The following TCP11L2 variants were observed in gnomAD, a reference collection of about 807,000 sequenced individuals.
TCP11L2 encodes the protein t-complex 11 like 2.
A neutral mutation model predicts 50.7 loss-of-function variants in TCP11L2; 39 were observed. The ratio of observed to expected loss-of-function variants is 0.77; its 90% CI spans 0.60 to 1.01. The LOEUF is 1.01. Ranked by LOEUF, TCP11L2 falls within the 50% of genes least tolerant of loss-of-function variation. The probability of loss-of-function intolerance (pLI) is 0.00; values close to 1 mark genes in which losing one functional copy is unlikely to be tolerated. For synonymous variants in TCP11L2, 192 were observed against 219.3 expected (o/e 0.88, Z 1.10); for missense variants, 612 against 614.7 (o/e 1.00, Z 0.05).
At chr12:106,328,331 T>G (rs900892040) in intron 6 of TCP11L2, among the ~76,000 whole-genome samples, 7 of 152,058 alleles carry the variant, frequency 4.6e-5, no homozygotes, top group South Asian at 2.1e-4. Flanking sequence ...AGATCATGAG[T>G]TCAGGAGATC....
At chr12:106,333,215 G>T (rs1013745149) in intron 6 of TCP11L2, among the ~76,000 whole-genome samples, 10 of 152,126 alleles carry the variant, frequency 6.6e-5, no homozygotes, top group African/African-American at 2.4e-4. Context: ...TGCTGTCCTT[G>T]GGGGCAGCTG....
rs528830493 is a variant in TCP11L2, at chr12:106,308,425, C to G, written c.-35-2616C>G. On this transcript the variant is annotated intron_variant, in intron 1 of 9. Transcript: ENST00000299045. Reference sequence around the variant, plus strand: ...TGCCTTGTTAAACACAGTTAAGAAACCTACCAAGTGTGCTATCCAGCTAAA... The same window carrying G: ...TGCCTTGTTAAACACAGTTAAGAAAGCTACCAAGTGTGCTATCCAGCTAAA... 4.9e-4 allele frequency among the ~76,000 whole-genome samples: 75 copies of G among 152,290 alleles called. 3 individuals carry two copies. In the South Asian group the frequency reaches 0.015, roughly 31 times the overall value.
upstream of TCP11L2, among the ~76,000 whole-genome samples, chr12:106,302,324 C>T (rs1363550725): frequency 8.8e-6 from 1 of 113,168 alleles, no homozygotes; most frequent in South Asian, 3.3e-4. Context: ...CCCGCTCCCC[C>T]CGCTCAGCCC....
At position 106,318,307 on chromosome 12, in the gene TCP11L2, T is replaced by C. The variant is rs887347828; in HGVS notation, c.294-37T>C. ...TTCTTTTATAATCAGGAAAAAGTTA[T>C]GCTTATTTTAAAAAACAATTCATTT... On this transcript the variant is annotated intron_variant, in intron 3 of 9. Transcript: ENST00000299045. 8.7e-6 allele frequency: 14 copies of C among 1,602,354 alleles called. No individual in the cohort carries two copies. The East Asian group carries it at 2.5e-4, about 28-fold the overall frequency.
chr12:106,317,258 G>A (rs918313893), intron 3 of TCP11L2, among the ~76,000 whole-genome samples: 16 of 152,242 alleles, frequency 1.1e-4, no homozygotes, highest in African/African-American at 3.9e-4. Flanking sequence ...GCTCACACCT[G>A]TAATCCCAGC....
Position 106,330,250 on chromosome 12 carries a change from A to C in TCP11L2, c.773-5389A>C, listed in dbSNP as rs369302829. 3.9e-4 allele frequency: 388 copies of C among 985,272 alleles called. 7 individuals carry two copies. The East Asian group carries it at 0.017, about 43-fold the overall frequency. 61.0% of individuals were successfully genotyped at this position (985,272 alleles called of 1,614,324 possible). A position where few individuals can be genotyped will look rare whatever the true frequency, so the allele number is the denominator to read the frequency against. On this transcript the variant is annotated intron_variant, in intron 6 of 9. Transcript: ENST00000299045. Reference sequence around the variant, plus strand: ...TGGCATGTCAAATTTCATTTAGTTCATGATGTAAGAGACATTTTATTCAAA... The same window carrying C: ...TGGCATGTCAAATTTCATTTAGTTCCTGATGTAAGAGACATTTTATTCAAA...
intron 1 of TCP11L2, among the ~76,000 whole-genome samples, chr12:106,305,289 G>A (rs1238009207): frequency 1.3e-5 from 2 of 151,810 alleles, no homozygotes; most frequent in Non-Finnish European, 1.5e-5. Context: ...AACAGTTATT[G>A]AGTGCTTATT....
intron 6 of TCP11L2, among the ~76,000 whole-genome samples, chr12:106,331,058 G>A (rs1592966760): frequency 6.6e-6 from 1 of 152,272 alleles, no homozygotes; most frequent in East Asian, 1.9e-4. Context: ...ACTGGACATT[G>A]TCTTTAAGGT....
chr12:106,305,874 T>C (rs146880249), intron 1 of TCP11L2, among the ~76,000 whole-genome samples: 18 of 152,180 alleles, frequency 1.2e-4, no homozygotes, highest in African/African-American at 4.1e-4. Context: ...GCAAAGAAGA[T>C]CATGAAGGGT....
In TCP11L2 at chr12:106,340,995, A is replaced by G; in HGVS notation, c.1312A>G (p.Ile438Val). Residue 438 changes from isoleucine to valine, a missense_variant, in exon 9 of 10, where the codon ATT becomes GTT. Physicochemically the swap from Ile to Val is conservative, Grantham distance 29. Transcript: ENST00000299045. ...GGAGGACAATCCTATCTGGTCCTTGATTGGTGAGTCCTTTTATTGATTTCT... is the reference window on the plus strand; with the variant it reads ...GGAGGACAATCCTATCTGGTCCTTGGTTGGTGAGTCCTTTTATTGATTTCT... ...EEEDNPIWSL[I>V]DKRIKLYMRR... is the part of the protein sequence containing the mutation. 6.2e-7 allele frequency: 1 copy of G among 1,601,836 alleles called. No homozygotes were observed. Among genetic ancestry groups the G allele is most frequent in the Non-Finnish European group, 8.5e-7 (1 of 1,176,198 alleles).
At chr12:106,318,243 T>C (rs1396835048) in intron 3 of TCP11L2, 101 bp from the exon 4 acceptor site, 2 of 1,355,808 alleles carry the variant, frequency 1.5e-6, no homozygotes, top group East Asian at 2.5e-5. Flanking sequence ...TTATTCTGTG[T>C]TTTTTTTACA....
chr12:106,303,062 G>T (rs1395454844), intron 1 of TCP11L2, 121 bp downstream of exon 1: 4 of 152,366 alleles, frequency 2.6e-5, no homozygotes, highest in Non-Finnish European at 5.9e-5. Context: ...ATCCTGGGAA[G>T]GCGGGGTCAG....
Position 106,336,094 on chromosome 12 carries a change from T to C in TCP11L2, c.1023T>C (p.Ile341=). 2 of 1,614,104 alleles carry C rather than the reference T, an allele frequency of 1.2e-6. No individual in the cohort carries two copies. The highest frequency in any genetic ancestry group is 3.3e-5 in the Admixed American group (2 of 60,016). ...CAGAAAAGCTGAATCAATTGAAAAT[T>C]ATTGCCTGCCTGTCCCTAATTACCA... ...ELTEKLNQLK[I]IACLSLITNN... is the part of the protein sequence containing the mutation. Residue 341 remains isoleucine, a synonymous_variant, in exon 8 of 10, where the codon ATT becomes ATC. Transcript: ENST00000299045.
At chr12:106,324,754 G>A (rs758295870) in intron 6 of TCP11L2, 8 of 152,184 alleles carry the variant, frequency 5.3e-5, no homozygotes. Context: ...TTGGATAAGG[G>A]AGAAAAGAGT....
chr12:106,311,547 C>T (rs879849128), intron 2 of TCP11L2, among the ~76,000 whole-genome samples: 1 of 151,934 alleles, frequency 6.6e-6, no homozygotes, highest in Admixed American at 6.6e-5. Flanking sequence ...TCTTAGATCT[C>T]CACTGAAGGA....
chr12:106,325,908 A>AC (rs1339696657), intron 6 of TCP11L2: 1 of 151,528 alleles, frequency 6.6e-6, no homozygotes, highest in African/African-American at 2.4e-5. Flanking sequence ...AAAAAAAAAA[A>AC]AAAAACCCAC....
At chr12:106,319,821 G>A (rs551704708) in intron 4 of TCP11L2, among the ~76,000 whole-genome samples, 1 of 152,364 alleles carries the variant, frequency 6.6e-6, no homozygotes, top group Non-Finnish European at 1.5e-5. Context: ...GGCTCAGAGC[G>A]CAAGCTCTTA....
At chr12:106,309,128 G>C in intron 1 of TCP11L2, among the ~76,000 whole-genome samples, 1 of 152,250 alleles carries the variant, frequency 6.6e-6, no homozygotes. Flanking sequence ...TTGGCAAAGA[G>C]AGGAAGCAAA....
At chr12:106,305,864 G>C (rs1161366685) in intron 1 of TCP11L2, among the ~76,000 whole-genome samples, 1 of 152,180 alleles carries the variant, frequency 6.6e-6, no homozygotes, top group Non-Finnish European at 1.5e-5. Context: ...TCTGAGGAAC[G>C]CAAAGAAGAT....
Sources: allele counts gnomAD v4.1 joint callset (sites outside exome capture counted in the v4.1 genomes callset), GRCh38; gene constraint gnomAD v4.1.1; transcripts MANE v1.5; gene names NCBI Gene and HGNC (gene_info 2026-07-23, HGNC 2026-07-21).